The following ENTREP2 variants were observed in gnomAD, a reference collection of about 807,000 sequenced individuals.
ENTREP2 encodes endosomal transmembrane epsin interactor 2, also known as protein ENTREP2.
At chr15:29,133,967 C>G in the ENTREP2 span, among the ~76,000 whole-genome samples, 1 of 137,642 alleles carries the variant, frequency 7.3e-6, no homozygotes, top group Non-Finnish European at 1.5e-5. Context: ...GCTGTTCCCT[C>G]TCTCAGGAGC....
At chr15:29,442,998 C>T in the ENTREP2 span, among the ~76,000 whole-genome samples, 1 of 152,178 alleles carries the variant, frequency 6.6e-6, no homozygotes. Context: ...CTCTCTCTGT[C>T]CCAGCCCTTT....
the ENTREP2 span, among the ~76,000 whole-genome samples, chr15:29,620,985 G>A: frequency 6.6e-6 from 1 of 152,138 alleles, no homozygotes. Flanking sequence ...CATGTGGGAG[G>A]AGCCGGGTGG....
the ENTREP2 span, among the ~76,000 whole-genome samples, chr15:29,624,804 G>A: frequency 1.3e-5 from 2 of 151,810 alleles, no homozygotes; most frequent in Non-Finnish European, 2.9e-5. Context: ...CAAGGACCAA[G>A]AAATTAACAC....
the ENTREP2 span, among the ~76,000 whole-genome samples, chr15:29,657,271 G>A: frequency 1.3e-5 from 2 of 151,546 alleles, no homozygotes; most frequent in South Asian, 2.1e-4. Flanking sequence ...GTATTAGCCA[G>A]GATGGTCGCA....
the ENTREP2 span, among the ~76,000 whole-genome samples, chr15:29,255,784 A>G: frequency 1.3e-5 from 2 of 151,980 alleles, no homozygotes; most frequent in Non-Finnish European, 2.9e-5. Context: ...GGCGGATCAA[A>G]AGGTCAGGAG....
the ENTREP2 span, among the ~76,000 whole-genome samples, chr15:29,366,471 C>T: frequency 5.3e-5 from 8 of 152,156 alleles, no homozygotes; most frequent in Admixed American, 2.6e-4. Flanking sequence ...TTAAAATGCA[C>T]GGTTCCTGAC....
At chr15:29,379,897 C>T in the ENTREP2 span, among the ~76,000 whole-genome samples, 1 of 152,154 alleles carries the variant, frequency 6.6e-6, no homozygotes, top group Non-Finnish European at 1.5e-5. Flanking sequence ...AATCTGTCTG[C>T]ACCATGAAGG....
chr15:29,134,401 AG>A, the ENTREP2 span, among the ~76,000 whole-genome samples: 2 of 152,148 alleles, frequency 1.3e-5, no homozygotes, highest in Non-Finnish European at 2.9e-5. Flanking sequence ...CACTGTCTGC[AG>A]CCTGCCTGGC....
At chr15:29,343,030 G>GGGGGA in the ENTREP2 span, among the ~76,000 whole-genome samples, 1 of 148,892 alleles carries the variant, frequency 6.7e-6, no homozygotes, top group East Asian at 2.0e-4. Context: ...AAAGGAATGG[G>GGGGGA]GGGGGTGGTT....
chr15:29,300,318 G>A, the ENTREP2 span, among the ~76,000 whole-genome samples: 1 of 117,546 alleles, frequency 8.5e-6, no homozygotes, highest in African/African-American at 3.9e-5. Context: ...ATGGATGGAT[G>A]GATGGATGGA....
the ENTREP2 span, among the ~76,000 whole-genome samples, chr15:29,596,033 G>T: frequency 1.3e-5 from 2 of 152,128 alleles, no homozygotes; most frequent in Non-Finnish European, 2.9e-5. Flanking sequence ...ACTGAAAATG[G>T]TATTAGAAAC....
chr15:29,466,384 G>T, the ENTREP2 span, among the ~76,000 whole-genome samples: 2 of 152,164 alleles, frequency 1.3e-5, no homozygotes, highest in African/African-American at 4.8e-5. Flanking sequence ...CAGCCCCCAG[G>T]AGAGAGCCCA....
chr15:29,551,685 T>C, the ENTREP2 span, among the ~76,000 whole-genome samples: 25 of 131,470 alleles, frequency 1.9e-4, no homozygotes, highest in Admixed American at 7.5e-5. Flanking sequence ...AATTATCAAA[T>C]GCCTATTTAA....
the ENTREP2 span, among the ~76,000 whole-genome samples, chr15:29,366,961 C>T: frequency 2.4e-4 from 37 of 152,214 alleles, no homozygotes; most frequent in Admixed American, 1.8e-3. Context: ...TAGCTAAAGA[C>T]CTTTAAAGAT....
At chr15:29,425,888 C>T in the ENTREP2 span, among the ~76,000 whole-genome samples, 1 of 151,864 alleles carries the variant, frequency 6.6e-6, no homozygotes, top group South Asian at 2.1e-4. Context: ...TTAGTGTCAA[C>T]AATTCAAACT....
chr15:29,318,507 A>C, the ENTREP2 span, among the ~76,000 whole-genome samples: 1 of 152,178 alleles, frequency 6.6e-6, no homozygotes, highest in East Asian at 1.9e-4. Context: ...TTTTTAGTAG[A>C]GACGGGGTTT....
chr15:29,533,718 T>C, the ENTREP2 span, among the ~76,000 whole-genome samples: 868 of 152,024 alleles, frequency 5.7e-3, 13 homozygotes, highest in African/African-American at 0.02. Flanking sequence ...AATTTCCCCT[T>C]CTTAGACGAG....
At chr15:29,271,318 A>G in the ENTREP2 span, among the ~76,000 whole-genome samples, 11 of 152,206 alleles carry the variant, frequency 7.2e-5, no homozygotes, top group Admixed American at 6.5e-4. Context: ...AGGTTCATAG[A>G]AGCTTCCTGC....
chr15:29,285,798 T>TA, the ENTREP2 span, among the ~76,000 whole-genome samples: 3 of 152,092 alleles, frequency 2.0e-5, no homozygotes, highest in African/African-American at 4.8e-5. Context: ...GAATATACGA[T>TA]AAAAAAATCC....
Sources: gnomAD v4.1 joint callset for allele counts (sites outside exome capture counted in the v4.1 genomes callset) on GRCh38, gnomAD v4.1.1 for gene constraint, MANE v1.5 for transcripts, NCBI Gene and HGNC (gene_info 2026-07-23, HGNC 2026-07-21) for gene names.